ASCC3: variants seen among roughly 807,000 people sequenced by gnomAD.
The protein encoded by ASCC3 is ASC-1 complex subunit P200.
A neutral mutation model predicts 256.3 loss-of-function variants in ASCC3; 158 were observed. The ratio of observed to expected loss-of-function variants is 0.62; its 90% confidence interval spans 0.54 to 0.70. The LOEUF (loss-of-function observed/expected upper bound fraction) is 0.70. Ranked by LOEUF, ASCC3 falls within the 30% of genes least tolerant of loss-of-function variation. ASCC3 has a pLI of 0.00. For missense variants in ASCC3, 2,259 were observed against 2,626.0 expected, an observed-to-expected ratio of 0.86 and a Z score of 3.05; for synonymous variants, 948 against 883.4, an observed-to-expected ratio of 1.07 and a Z score of -1.30.
intron 11 of ASCC3, among the ~76,000 whole-genome samples, chr6:100,718,570 C>T (rs1295268152): frequency 1.3e-5 from 2 of 151,586 alleles, no homozygotes; most frequent in Admixed American, 6.6e-5. Context: ...CAAGCCTAGG[C>T]AACATGGCAA....
At chr6:100,532,665 G>A (rs1774975547) in intron 37 of ASCC3, among the ~76,000 whole-genome samples, 1 of 151,644 alleles carries the variant, frequency 6.6e-6, no homozygotes, top group African/African-American at 2.4e-5. Context: ...TTTCAGAATA[G>A]CAGTACATTT....
intron 13 of ASCC3, among the ~76,000 whole-genome samples, chr6:100,691,297 T>C (rs1001472528): frequency 3.9e-5 from 6 of 152,050 alleles, no homozygotes; most frequent in Non-Finnish European, 8.8e-5. Context: ...ACAAAACGTA[T>C]AGTTTATTAA....
intron 30 of ASCC3, among the ~76,000 whole-genome samples, chr6:100,610,969 C>T (rs547875610): frequency 1.6e-4 from 25 of 152,210 alleles, no homozygotes; most frequent in Admixed American, 1.3e-3. Context: ...CACTTTTAAA[C>T]TTACATAAGT....
At chr6:100,818,440 AC>A (rs1448374157) in intron 4 of ASCC3, among the ~76,000 whole-genome samples, 14 of 151,564 alleles carry the variant, frequency 9.2e-5, no homozygotes, top group Non-Finnish European at 1.8e-4. Flanking sequence ...AGTGGCAGGC[AC>A]CTCTAATCCC....
At chr6:100,711,590 T>A (rs1778854216) in intron 13 of ASCC3, among the ~76,000 whole-genome samples, 1 of 151,858 alleles carries the variant, frequency 6.6e-6, no homozygotes, top group South Asian at 2.1e-4. Context: ...ATTAGCCGGG[T>A]GTGGTGGTAC....
At chr6:100,711,730 C>CA (rs1778863865) in intron 13 of ASCC3, among the ~76,000 whole-genome samples, 1 of 151,662 alleles carries the variant, frequency 6.6e-6, no homozygotes, top group African/African-American at 2.4e-5. Context: ...AACTCTGTCT[C>CA]AAAAAAACAA....
Position 100,864,081 on chromosome 6 carries a change from T to C in ASCC3, c.224A>G (p.His75Arg). Residue 75 changes from histidine (H) to arginine (R), a missense_variant, in exon 3 of 42, where the codon CAT (histidine) becomes CGT (arginine). By Grantham distance (29) the His-to-Arg change is conservative. Around this residue, in one of 2 missense-constraint regions of ASCC3, gnomAD observed 420 missense variants for 419.3 expected, o/e 1.00. Transcript: ENST00000369162. ...AACTATACCTATCTGCTTTGCAGCA[T>C]GTAATATATCTTTTAAGTCTTCATT... ...SINEDLKDIL[H>R]AAKQIVGTDN... is the part of the protein sequence containing the mutation. 1 of 1,583,908 alleles carries C rather than the reference T, an allele frequency of 6.3e-7. No individual in the cohort carries two copies. Among genetic ancestry groups the C allele is most frequent in the Non-Finnish European group, 8.6e-7 (1 of 1,161,558 alleles).
chr6:100,716,410 T>G (rs1779089176), intron 12 of ASCC3, among the ~76,000 whole-genome samples: 1 of 151,848 alleles, frequency 6.6e-6, no homozygotes, highest in South Asian at 2.1e-4. Context: ...CTATTATCTC[T>G]CCACTTAACA....
At position 100,526,384 on chromosome 6, in the gene ASCC3, CA is replaced by C. The variant is rs1238413672; in HGVS notation, c.5776-8243del. 3.3e-5 allele frequency among the ~76,000 whole-genome samples: 5 copies of C among 152,222 alleles called. No individual in the cohort carries two copies. In the East Asian group the frequency reaches 9.7e-4, roughly 29 times the overall value. On this transcript the variant is annotated intron_variant, in intron 37 of 41. Transcript: ENST00000369162. ...TGTTATGTGGGTATAAGGAGAGGAG[CA>C]GGGGGTAGAAGGATCCTTCATAATA...
At chr6:100,539,064 A>C (rs563372641) in intron 37 of ASCC3, among the ~76,000 whole-genome samples, 28 of 152,234 alleles carry the variant, frequency 1.8e-4, no homozygotes, top group African/African-American at 6.7e-4. Flanking sequence ...TTTCCCTAAA[A>C]ACCCTTGTTC....
intron 11 of ASCC3, among the ~76,000 whole-genome samples, chr6:100,723,737 C>T (rs1004178683): frequency 2.0e-5 from 3 of 150,244 alleles, no homozygotes; most frequent in African/African-American, 7.3e-5. Context: ...ATTATGATAT[C>T]GTATCTAGGT....
intron 1 of ASCC3, among the ~76,000 whole-genome samples, chr6:100,872,448 T>C (rs146951233): frequency 3.8e-3 from 395 of 103,976 alleles, no homozygotes; most frequent in African/African-American, 0.014. Context: ...CCCTGAGACC[T>C]GAGTAGAAAA....
intron 10 of ASCC3, 68 bp from the exon 11 acceptor site, chr6:100,725,771 CAGAA>C: frequency 6.4e-7 from 1 of 1,569,594 alleles, no homozygotes; most frequent in Non-Finnish European, 8.7e-7. Flanking sequence ...CTGTGATACT[CAGAA>C]AGAAATATTT....
intron 10 of ASCC3, among the ~76,000 whole-genome samples, chr6:100,764,411 T>G (rs1451558748): frequency 2.0e-5 from 3 of 152,170 alleles, no homozygotes; most frequent in African/African-American, 4.8e-5. Flanking sequence ...GCAATGTTCA[T>G]TTAAGAAAAT....
intron 8 of ASCC3, among the ~76,000 whole-genome samples, chr6:100,779,567 T>C (rs1782353041): frequency 6.6e-6 from 1 of 152,268 alleles, no homozygotes; most frequent in African/African-American, 2.4e-5. Context: ...TAACAGAAAC[T>C]GATTCATATT....
At chr6:100,562,302 C>T (rs980438824) in intron 36 of ASCC3, among the ~76,000 whole-genome samples, 3 of 152,052 alleles carry the variant, frequency 2.0e-5, no homozygotes, top group Non-Finnish European at 4.4e-5. Flanking sequence ...ATATCCATTT[C>T]TTTGGGTTTA....
intron 13 of ASCC3, among the ~76,000 whole-genome samples, chr6:100,689,342 G>T (rs1181019298): frequency 6.6e-6 from 1 of 152,146 alleles, no homozygotes; most frequent in Non-Finnish European, 1.5e-5. Context: ...GTAGGTAATT[G>T]TATTAGTATT....
At chr6:100,805,478 AAACCTGCACGT>A (rs1276344035) in intron 5 of ASCC3, among the ~76,000 whole-genome samples, 1 of 152,136 alleles carries the variant, frequency 6.6e-6, no homozygotes, top group East Asian at 1.9e-4. Context: ...CTCATGCAAC[AAACCTGCACGT>A]GTACCTCCTA....
chr6:100,703,144 AC>A (rs1276080736), intron 13 of ASCC3, among the ~76,000 whole-genome samples: 1 of 152,124 alleles, frequency 6.6e-6, no homozygotes, highest in African/African-American at 2.4e-5. Flanking sequence ...TTCTAAATGA[AC>A]TGTTCAAGAG....
Sources: gnomAD v4.1 joint callset for allele counts (sites outside exome capture counted in the v4.1 genomes callset) on GRCh38, gnomAD v4.1.1 for gene constraint, gnomAD v4.1.1 regional missense constraint, MANE v1.5 for transcripts, NCBI Gene and HGNC (gene_info 2026-07-23, HGNC 2026-07-21) for gene names.